FGF18: variants seen among roughly 807,000 people sequenced by gnomAD.
The protein encoded by FGF18 is fibroblast growth factor 18.
A neutral mutation model predicts 23.0 loss-of-function variants in FGF18; 5 were observed. The observed-to-expected ratio is 0.22, with a 90% CI of 0.11 to 0.46. The LOEUF is 0.46. Among genes scored for constraint, FGF18 ranks in the 20% least tolerant of loss-of-function variants. The pLI is 0.99. For missense variants in FGF18, 180 were observed against 291.6 expected (o/e 0.62, Z 2.79); for synonymous variants, 117 against 118.9 (o/e 0.98, Z 0.10).
At chr5:171,433,625 G>T (rs1463638691) in intron 2 of FGF18, among the ~76,000 whole-genome samples, 1 of 152,198 alleles carries the variant, frequency 6.6e-6, no homozygotes, top group Non-Finnish European at 1.5e-5. Flanking sequence ...GTGACTGTGT[G>T]TGGCTGCTGA....
At chr5:171,425,677 C>G (rs1040685429) in intron 2 of FGF18, among the ~76,000 whole-genome samples, 1 of 151,902 alleles carries the variant, frequency 6.6e-6, no homozygotes, top group Admixed American at 6.6e-5. Flanking sequence ...ACTACAGGCA[C>G]GAGCCACCAT....
chr5:171,454,639 G>T (rs1371099377), intron 4 of FGF18, among the ~76,000 whole-genome samples: 1 of 152,172 alleles, frequency 6.6e-6, no homozygotes, highest in Admixed American at 6.5e-5. Flanking sequence ...GCCCAAGCTT[G>T]CCCTCTGCTC....
intron 2 of FGF18, among the ~76,000 whole-genome samples, chr5:171,428,072 A>T (rs1240069882): frequency 6.6e-6 from 1 of 152,154 alleles, no homozygotes; most frequent in Non-Finnish European, 1.5e-5. Context: ...GATAAGTGTT[A>T]AGTAAATGTG....
At chr5:171,435,421 C>T (rs1400827448) in intron 2 of FGF18, among the ~76,000 whole-genome samples, 1 of 152,188 alleles carries the variant, frequency 6.6e-6, no homozygotes, top group African/African-American at 2.4e-5. Context: ...TGGACAGGCA[C>T]AAGCTAAGCC....
chr5:171,428,465 G>A (rs577992504), intron 2 of FGF18, among the ~76,000 whole-genome samples: 1 of 152,344 alleles, frequency 6.6e-6, no homozygotes, highest in African/African-American at 2.4e-5. Context: ...TCTGGCCTGG[G>A]TAGATGTTTC....
intron 2 of FGF18, among the ~76,000 whole-genome samples, chr5:171,429,621 G>C (rs1772147852): frequency 6.6e-6 from 1 of 152,256 alleles, no homozygotes; most frequent in South Asian, 2.1e-4. Context: ...GAGGAGCCAG[G>C]TGGTGTGGAA....
At chr5:171,425,697 A>AT (rs1561884026) in intron 2 of FGF18, among the ~76,000 whole-genome samples, 1 of 150,650 alleles carries the variant, frequency 6.6e-6, no homozygotes, top group Non-Finnish European at 1.5e-5. Context: ...TGCCCGGCTA[A>AT]TTTTTTGTAT....
chr5:171,448,718 G>A (rs758350488), intron 3 of FGF18, among the ~76,000 whole-genome samples: 3 of 152,070 alleles, frequency 2.0e-5, no homozygotes, highest in Admixed American at 6.6e-5. Context: ...TTGTATGGCC[G>A]TCTGTCCTGC....
At position 171,451,645 on chromosome 5, in the gene FGF18, C is replaced by T. The variant is rs144409759; in HGVS notation, c.357+2392C>T. The stretch of plus-strand genomic sequence containing the variant: ...CGGCACATGACCTGCCCTCCACCCC[C>T]ACCCAGCTCCAAACCCATCCATGGG... On this transcript the variant is annotated intron_variant, in intron 4 of 4. Coordinates refer to ENST00000274625, the MANE Select transcript of FGF18 (RefSeq NM_003862.3). This position sits in a 1 kb window ranked among gnomAD's most constrained non-coding sequence, Gnocchi z 4.5. Among the ~76,000 whole-genome samples, 1,105 of 152,344 alleles carry T rather than the reference C, an allele frequency of 7.3e-3. 13 individuals are homozygous for T. The highest frequency in any genetic ancestry group is 0.026 in the African/African-American group (1,067 of 41,588).
chr5:171,439,978 G>C (rs1772317139), intron 3 of FGF18, among the ~76,000 whole-genome samples: 2 of 152,220 alleles, frequency 1.3e-5, no homozygotes, highest in Non-Finnish European at 1.5e-5. Flanking sequence ...AGGCCAGCTA[G>C]AGTGGCCCTG....
At chr5:171,433,302 C>T (rs1472605259) in intron 2 of FGF18, among the ~76,000 whole-genome samples, 1 of 152,212 alleles carries the variant, frequency 6.6e-6, no homozygotes, top group African/African-American at 2.4e-5. Flanking sequence ...GGGAGGCCGG[C>T]TTCTGGGGCA....
chr5:171,433,751 A>G (rs1393393945), intron 2 of FGF18, among the ~76,000 whole-genome samples: 1 of 152,196 alleles, frequency 6.6e-6, no homozygotes, highest in Non-Finnish European at 1.5e-5. Context: ...TAGTGTCTCC[A>G]TCCATTCAAT....
At chr5:171,423,791 T>C (rs1772055279) in intron 2 of FGF18, among the ~76,000 whole-genome samples, 1 of 146,594 alleles carries the variant, frequency 6.8e-6, no homozygotes, top group Non-Finnish European at 1.5e-5. Flanking sequence ...TTTTTTTTTT[T>C]TTTTTTGTGC....
rs776312487 is a variant in FGF18, at chr5:171,434,752, G to T, written c.70-1341G>T. On this transcript the variant is annotated intron_variant, in intron 2 of 4. Transcript: ENST00000274625. The surrounding 1 kb of genome is among the most constrained non-coding windows in gnomAD (Gnocchi z 4.6). Reference sequence around the variant, plus strand: ...TTCAAGAAGCGTTTGAGTTTCTACCGTGTTAGGTGCTGCGGATATAGTGGC... The same window carrying T: ...TTCAAGAAGCGTTTGAGTTTCTACCTTGTTAGGTGCTGCGGATATAGTGGC... 6.6e-6 allele frequency among the ~76,000 whole-genome samples: 1 copy of T among 151,588 alleles called. No individual in the cohort carries two copies. Among genetic ancestry groups the T allele is most frequent in the South Asian group, 2.1e-4 (1 of 4,820 alleles).
chr5:171,439,976 TAG>T (rs2113349085), intron 3 of FGF18, among the ~76,000 whole-genome samples: 1 of 152,236 alleles, frequency 6.6e-6, no homozygotes, highest in Admixed American at 6.5e-5. Flanking sequence ...GCAGGCCAGC[TAG>T]AGTGGCCCTG....
In FGF18 at chr5:171,456,314, C is replaced by G. The variant is rs1772579198; in HGVS notation, c.358-225C>G. The stretch of plus-strand genomic sequence containing the variant: ...CTTTAGCCAGAATCCCCTACACCCT[C>G]GATGTTTCCTCTTAGTCATTTTCCA... On this transcript the variant is annotated intron_variant, in intron 4 of 4. Coordinates refer to ENST00000274625, the MANE Select transcript of FGF18 (RefSeq NM_003862.3). This position sits in a 1 kb window ranked among gnomAD's most constrained non-coding sequence, Gnocchi z 6.1. Among the ~76,000 whole-genome samples, 1 of 152,152 alleles carries G rather than the reference C, an allele frequency of 6.6e-6. No individual in the cohort carries two copies. The highest frequency in any genetic ancestry group is 2.1e-4 in the South Asian group (1 of 4,826).
rs940747780 is a variant in FGF18, at chr5:171,419,980, G to A, written c.-220G>A. On this transcript the variant is annotated 5_prime_UTR_variant, in exon 1 of 5. Coordinates refer to ENST00000274625, the MANE Select transcript of FGF18 (RefSeq NM_003862.3). ...CCCGCAGCCCCTGCGCCAGCCCGGA[G>A]GGCGCAGCGCTCGGGAGGAGCCGCG... 4.9e-5 allele frequency: 9 copies of A among 184,288 alleles called. No homozygotes were observed. The highest frequency in any genetic ancestry group is 7.7e-5 in the Non-Finnish European group (7 of 90,912). 11.4% of individuals were successfully genotyped at this position (184,288 alleles called of 1,614,324 possible). A position where few individuals can be genotyped will look rare whatever the true frequency, so the allele number is the denominator to read the frequency against.
In FGF18 at chr5:171,449,370, TGTGTGTGTGTGTGTG is replaced by T. The variant is rs1772460933; in HGVS notation, c.357+118_357+132del. On this transcript the variant is annotated intron_variant, in intron 4 of 4. Coordinates refer to ENST00000274625, the MANE Select transcript of FGF18 (RefSeq NM_003862.3). ...AAATGGAAAACAGGCCGTGTGTGTG[TGTGTGTGTGTGTGTG>T]TGTGTGTGTGTGTGTGAGAGAGAGA... The T allele has an allele frequency of 9.0e-6, 4 of 445,768 alleles. No homozygotes were observed. In the African/African-American group the frequency reaches 9.4e-5, roughly 10 times the overall value. The allele number at this position is 445,768 out of a possible 1,614,324, so 27.6% of individuals were successfully genotyped here. A position where few individuals can be genotyped will look rare whatever the true frequency, so the allele number is the denominator to read the frequency against.
chr5:171,456,604 G>A lies in FGF18; in HGVS notation c.423G>A (p.Leu141=). 1 of 1,614,198 alleles carries A rather than the reference G, an allele frequency of 6.2e-7. No individual in the cohort carries two copies. The highest frequency in any genetic ancestry group is 8.5e-7 in the Non-Finnish European group (1 of 1,180,042). ...EKVLENNYTA[L]MSAKYSGWYV... is the part of the protein sequence containing the mutation. ...TTCTGGAGAACAACTACACGGCCCT[G>A]ATGTCGGCTAAGTACTCCGGCTGGT... The change falls in exon 5 of 5, where the codon CTG becomes CTA. Residue 141 remains leucine, a synonymous_variant. Coordinates refer to ENST00000274625, the MANE Select transcript of FGF18 (RefSeq NM_003862.3). This position sits in a 1 kb window ranked among gnomAD's most constrained non-coding sequence, Gnocchi z 6.1.
Sources: allele counts gnomAD v4.1 joint callset (sites outside exome capture counted in the v4.1 genomes callset), GRCh38; gene constraint gnomAD v4.1.1; non-coding constraint Gnocchi (gnomAD v3.1); transcripts MANE v1.5; gene names NCBI Gene and HGNC (gene_info 2026-07-23, HGNC 2026-07-21).